FRMD4A: variants seen among roughly 807,000 people sequenced by gnomAD.
FRMD4A encodes the protein FERM domain-containing protein 4A.
In FRMD4A, 29 loss-of-function variants were observed where a neutral mutation model predicts 129.1. That is an observed-to-expected ratio of 0.22 (90% CI 0.17 to 0.31). FRMD4A has a LOEUF of 0.31. Among genes scored for constraint, FRMD4A ranks in the 10% least tolerant of loss-of-function variants. The pLI is 1.00. For synonymous variants in FRMD4A, 634 were observed against 571.6 expected (o/e 1.11, Z -1.56); for missense variants, 1,272 against 1,375.8 (o/e 0.92, Z 1.19).
intron 2 of FRMD4A, among the ~76,000 whole-genome samples, chr10:13,887,881 A>G (rs950700606): frequency 6.6e-6 from 1 of 152,176 alleles, no homozygotes; most frequent in African/African-American, 2.4e-5. Context: ...ATTATTCCTT[A>G]TAAGAGAAGG....
chr10:14,185,823 A>G (rs1321279133), intron 2 of FRMD4A, among the ~76,000 whole-genome samples: 1 of 152,116 alleles, frequency 6.6e-6, no homozygotes, highest in Non-Finnish European at 1.5e-5. Flanking sequence ...TAGACAGGGC[A>G]GGGCCCAGTG....
At chr10:13,778,058 C>G (rs1163268439) in intron 6 of FRMD4A, among the ~76,000 whole-genome samples, 2 of 152,160 alleles carry the variant, frequency 1.3e-5, no homozygotes, top group East Asian at 3.9e-4. Flanking sequence ...GCCTCTGCCT[C>G]CCAAAGTGCT....
At chr10:14,038,571 T>C (rs971271459) in intron 2 of FRMD4A, among the ~76,000 whole-genome samples, 1 of 152,212 alleles carries the variant, frequency 6.6e-6, no homozygotes, top group Non-Finnish European at 1.5e-5. Flanking sequence ...CTCAAGACCA[T>C]GACACCTGAT....
intron 3 of FRMD4A, among the ~76,000 whole-genome samples, chr10:13,851,155 C>T (rs541869631): frequency 3.9e-5 from 6 of 151,962 alleles, no homozygotes; most frequent in African/African-American, 9.7e-5. Flanking sequence ...CAGAGGTTGC[C>T]GTGAGCAGAG....
intron 2 of FRMD4A, among the ~76,000 whole-genome samples, chr10:14,299,975 G>A (rs902925266): frequency 1.3e-5 from 2 of 152,054 alleles, no homozygotes; most frequent in Non-Finnish European, 2.9e-5. Flanking sequence ...ATGAGAAAGA[G>A]AAAGTGCAAA....
chr10:13,834,498 C>T lies in FRMD4A; in HGVS notation c.112-23590G>A, dbSNP rs182299536. On this transcript the variant is annotated intron_variant, in intron 3 of 24. Transcript: ENST00000357447. ...AAAATGGTGAGATATCAAGCCCCTT[C>T]CCCCGGAGGCTTCTTGGAGTTCCTC... Among the ~76,000 whole-genome samples, 192 of 152,280 alleles carry T rather than the reference C, an allele frequency of 1.3e-3. 2 individuals carry two copies. In the South Asian group the frequency reaches 0.013, roughly 10 times the overall value.
intron 2 of FRMD4A, among the ~76,000 whole-genome samples, chr10:14,167,493 T>A (rs1236861525): frequency 8.0e-6 from 1 of 124,384 alleles, no homozygotes; most frequent in African/African-American, 3.1e-5. Context: ...GCTGAGATCA[T>A]GCCACTGCAT....
intron 2 of FRMD4A, among the ~76,000 whole-genome samples, chr10:14,140,835 C>T (rs1431403970): frequency 2.0e-5 from 3 of 152,100 alleles, no homozygotes; most frequent in Non-Finnish European, 2.9e-5. Context: ...CAGAAAAGGT[C>T]TGAACTTTTC....
intron 2 of FRMD4A, among the ~76,000 whole-genome samples, chr10:13,995,357 G>A (rs989332586): frequency 5.3e-5 from 8 of 152,200 alleles, no homozygotes; most frequent in African/African-American, 1.9e-4. Flanking sequence ...GCCTAGGCAG[G>A]TGGATTGCTT....
At chr10:14,068,608 C>T (rs1835170437) in intron 2 of FRMD4A, among the ~76,000 whole-genome samples, 1 of 152,138 alleles carries the variant, frequency 6.6e-6, no homozygotes, top group South Asian at 2.1e-4. Context: ...CTTCTCCTTT[C>T]CTCAGTGAAA....
At chr10:13,912,061 A>G (rs2094946625) in intron 2 of FRMD4A, among the ~76,000 whole-genome samples, 1 of 152,340 alleles carries the variant, frequency 6.6e-6, no homozygotes, top group South Asian at 2.1e-4. Context: ...GTTTCCCAAA[A>G]TGAATATGCA....
intron 4 of FRMD4A, among the ~76,000 whole-genome samples, chr10:13,808,415 G>A (rs1457117148): frequency 6.6e-6 from 1 of 152,212 alleles, no homozygotes; most frequent in Admixed American, 6.5e-5. Flanking sequence ...AGCAAGGCCA[G>A]GGGATGTAGT....
In FRMD4A at chr10:13,644,456, A is replaced by T. The variant is rs1015618910; in HGVS notation, c.*2582T>A. The T allele has an allele frequency of 6.6e-6, 1 of 152,242 alleles. No individual in the cohort carries two copies. Among genetic ancestry groups the T allele is most frequent in the African/African-American group, 2.4e-5 (1 of 41,466 alleles). The allele number at this position is 152,242 out of a possible 1,614,324, so 9.4% of individuals were successfully genotyped here. ...CTAAACAGTAAAACCTGTTTTACTTAATCTCTGTCTTGACTACCAGACTAT... is the reference window on the plus strand; with the variant it reads ...CTAAACAGTAAAACCTGTTTTACTTTATCTCTGTCTTGACTACCAGACTAT... On this transcript the variant is annotated 3_prime_UTR_variant, in exon 25 of 25. Transcript: ENST00000357447.
At chr10:13,917,959 T>C (rs1193428020) in intron 2 of FRMD4A, among the ~76,000 whole-genome samples, 1 of 152,222 alleles carries the variant, frequency 6.6e-6, no homozygotes, top group Non-Finnish European at 1.5e-5. Context: ...GCAAGCGCAC[T>C]GTCAACTGTA....
chr10:13,994,156 G>A (rs1214852250), intron 2 of FRMD4A, among the ~76,000 whole-genome samples: 1 of 146,204 alleles, frequency 6.8e-6, no homozygotes, highest in Non-Finnish European at 1.5e-5. Flanking sequence ...TGACAGGAGT[G>A]TGCCACCACG....
intron 2 of FRMD4A, among the ~76,000 whole-genome samples, chr10:14,194,877 T>G (rs1436914171): frequency 2.0e-5 from 3 of 152,116 alleles, no homozygotes; most frequent in Non-Finnish European, 4.4e-5. Context: ...CATTATATTA[T>G]TCTCTTCCAA....
chr10:13,823,378 C>T (rs2093656831), intron 3 of FRMD4A, among the ~76,000 whole-genome samples: 1 of 152,128 alleles, frequency 6.6e-6, no homozygotes, highest in Middle Eastern at 3.2e-3. Context: ...CCTTGGCAAG[C>T]CTCTCTGCAT....
intron 15 of FRMD4A, among the ~76,000 whole-genome samples, chr10:13,686,077 G>A (rs1201636596): frequency 2.0e-5 from 3 of 152,036 alleles, no homozygotes; most frequent in Admixed American, 6.5e-5. Flanking sequence ...CTGGGCACAC[G>A]GTCCAGCATA....
chr10:14,090,538 C>T (rs183910881), intron 2 of FRMD4A, among the ~76,000 whole-genome samples: 2 of 152,240 alleles, frequency 1.3e-5, no homozygotes, highest in Non-Finnish European at 2.9e-5. Flanking sequence ...TGAAGGAGCA[C>T]GGGGTTGGGT....
Sources: gnomAD v4.1 joint callset for allele counts (sites outside exome capture counted in the v4.1 genomes callset) on GRCh38, gnomAD v4.1.1 for gene constraint, MANE v1.5 for transcripts, NCBI Gene and HGNC (gene_info 2026-07-23, HGNC 2026-07-21) for gene names.